The following CHMP2B variants were observed in gnomAD, a reference collection of about 807,000 sequenced individuals.
The protein encoded by CHMP2B is VPS2 homolog B.
Under a neutral mutation model 29.8 loss-of-function variants are expected in CHMP2B, and 22 were observed. That is an observed-to-expected ratio of 0.74 (90% confidence interval 0.53 to 1.05). The LOEUF is 1.05. CHMP2B is among the 50% of genes least tolerant of loss of function. The probability of loss-of-function intolerance (pLI) is 0.00; values close to 1 mark genes in which losing one functional copy is unlikely to be tolerated. For missense variants in CHMP2B, 261 were observed against 252.2 expected (o/e 1.03, Z -0.24); for synonymous variants, 78 against 75.8 (o/e 1.03, Z -0.15).
At chr3:87,252,520 C>T (rs1706332921) in intron 4 of CHMP2B, among the ~76,000 whole-genome samples, 1 of 151,770 alleles carries the variant, frequency 6.6e-6, no homozygotes, top group African/African-American at 2.4e-5. Flanking sequence ...GTGGTTAAAC[C>T]CTACGTATCC....
chr3:87,243,494 G>A (rs1466463924), intron 2 of CHMP2B, among the ~76,000 whole-genome samples: 2 of 151,926 alleles, frequency 1.3e-5, no homozygotes, highest in Non-Finnish European at 2.9e-5. Context: ...AATAATGCTG[G>A]CCTAGTAATG....
rs1284575966 is a variant in CHMP2B, at chr3:87,254,829, A to G, written c.*1007A>G. On this transcript the variant is annotated 3_prime_UTR_variant, in exon 6 of 6. Coordinates refer to ENST00000263780, the MANE Select transcript of CHMP2B (RefSeq NM_014043.4). The stretch of plus-strand genomic sequence containing the variant: ...TTCCAAATTGAAGCCATTATTCTCA[A>G]TTAAGTACTACAACTATGACAATGC... 2 of 152,038 alleles carry G rather than the reference A, an allele frequency of 1.3e-5. No individual in the cohort carries two copies. The highest frequency in any genetic ancestry group is 2.9e-5 in the Non-Finnish European group (2 of 67,916). The allele number at this position is 152,038 out of a possible 1,614,324, so 9.4% of individuals were successfully genotyped here.
intron 1 of CHMP2B, among the ~76,000 whole-genome samples, chr3:87,230,896 A>G (rs777522300): frequency 1.3e-5 from 2 of 152,054 alleles, no homozygotes; most frequent in African/African-American, 2.4e-5. Context: ...CTGATAATTA[A>G]TTTATTCTCT....
rs957743296 is a variant in CHMP2B, at chr3:87,244,365, T to G, written c.127-1349T>G. On this transcript the variant is annotated intron_variant, in intron 2 of 5. Coordinates refer to ENST00000263780, the MANE Select transcript of CHMP2B (RefSeq NM_014043.4). Reference sequence around the variant, plus strand: ...TCTTTCCTAGTTTATATATATATATTTTTTGTTTATCTTATTTCCCTACTT... The same window carrying G: ...TCTTTCCTAGTTTATATATATATATGTTTTGTTTATCTTATTTCCCTACTT... 3.3e-5 allele frequency among the ~76,000 whole-genome samples: 5 copies of G among 151,792 alleles called. No individual in the cohort carries two copies. In the East Asian group the frequency reaches 9.7e-4, roughly 29 times the overall value.
At chr3:87,230,437 T>G (rs919274812) in intron 1 of CHMP2B, among the ~76,000 whole-genome samples, 30 of 152,138 alleles carry the variant, frequency 2.0e-4, no homozygotes, top group African/African-American at 7.2e-4. Context: ...TCCCTTTGAG[T>G]ATTATTATTA....
chr3:87,238,151 A>G (rs765559147), intron 1 of CHMP2B, among the ~76,000 whole-genome samples: 45 of 152,212 alleles, frequency 3.0e-4, no homozygotes, highest in Non-Finnish European at 6.3e-4. Flanking sequence ...AACTGTAACT[A>G]TTATAACTAT....
intron 1 of CHMP2B, among the ~76,000 whole-genome samples, chr3:87,234,683 A>G (rs997279402): frequency 2.0e-5 from 3 of 152,230 alleles, no homozygotes; most frequent in Non-Finnish European, 2.9e-5. Flanking sequence ...TCTTTGAAAC[A>G]AACCACAAGG....
intron 2 of CHMP2B, among the ~76,000 whole-genome samples, chr3:87,241,150 A>G (rs1370175222): frequency 6.6e-5 from 10 of 152,194 alleles, no homozygotes; most frequent in East Asian, 1.9e-4. Context: ...ACATTAACTC[A>G]TAGGAGTCTT....
At position 87,227,442 on chromosome 3, in the gene CHMP2B, G is replaced by T; in HGVS notation, c.-81G>T. Reference sequence around the variant, plus strand: ...GCTCCGCCACCCCGAACCCGCCAAGGTCCTGTCCTTTTCCTCCTGTCCTTT... The same window carrying T: ...GCTCCGCCACCCCGAACCCGCCAAGTTCCTGTCCTTTTCCTCCTGTCCTTT... On this transcript the variant is annotated 5_prime_UTR_variant, in exon 1 of 6. Coordinates refer to ENST00000263780, the MANE Select transcript of CHMP2B (RefSeq NM_014043.4). 2 of 1,564,124 alleles carry T rather than the reference G, an allele frequency of 1.3e-6. No individual in the cohort carries two copies. The highest frequency in any genetic ancestry group is 2.2e-5 in the South Asian group (2 of 90,020).
At chr3:87,231,439 C>T (rs1420957319) in intron 1 of CHMP2B, among the ~76,000 whole-genome samples, 3 of 152,284 alleles carry the variant, frequency 2.0e-5, no homozygotes, top group Non-Finnish European at 1.5e-5. Context: ...TTGCACTTTA[C>T]GATACCACCT....
chr3:87,242,173 T>C (rs1706130241), intron 2 of CHMP2B, among the ~76,000 whole-genome samples: 1 of 152,188 alleles, frequency 6.6e-6, no homozygotes, highest in Non-Finnish European at 1.5e-5. Context: ...TAGATTTTTA[T>C]ATATTGTGGA....
intron 2 of CHMP2B, among the ~76,000 whole-genome samples, chr3:87,245,008 G>A (rs1450456258): frequency 2.0e-5 from 3 of 151,886 alleles, no homozygotes; most frequent in Non-Finnish European, 2.9e-5. Flanking sequence ...CTTTTATTAG[G>A]TACATACACA....
chr3:87,235,709 G>A (rs1705994929), intron 1 of CHMP2B, among the ~76,000 whole-genome samples: 1 of 152,136 alleles, frequency 6.6e-6, no homozygotes, highest in Non-Finnish European at 1.5e-5. Flanking sequence ...CCTTGACTCT[G>A]ATTCTCAGAC....
intron 1 of CHMP2B, 74 bp from the exon 2 acceptor site, chr3:87,240,625 G>C: frequency 9.6e-7 from 1 of 1,038,314 alleles, no homozygotes; most frequent in Non-Finnish European, 1.5e-6. Context: ...ATCATGATCT[G>C]TGAATCCAGT....
At position 87,242,877 on chromosome 3, in the gene CHMP2B, C is replaced by T. The variant is rs536032134; in HGVS notation, c.126+2087C>T. On this transcript the variant is annotated intron_variant, in intron 2 of 5. Transcript: ENST00000263780. ...AAAAGTTAGACAGCATTAATCCTTCCACTTTGTACTTCTTTTTTCATAATT... is the reference window on the plus strand; with the variant it reads ...AAAAGTTAGACAGCATTAATCCTTCTACTTTGTACTTCTTTTTTCATAATT... 2.6e-5 allele frequency among the ~76,000 whole-genome samples: 4 copies of T among 152,162 alleles called. No individual in the cohort carries two copies. In the South Asian group the frequency reaches 8.3e-4, roughly 32 times the overall value.
At position 87,240,679 on chromosome 3, in the gene CHMP2B, T is replaced by G. The variant is rs372134543; in HGVS notation, c.35-20T>G. 4 of 1,534,238 alleles carry G rather than the reference T, an allele frequency of 2.6e-6. No homozygotes were observed. In the African/African-American group the frequency reaches 4.1e-5, roughly 16 times the overall value. Reference sequence around the variant, plus strand: ...AATTTTACAACCCATAAATTTAGGTTTCTTTTGTGATTCTCCTAGATGTAA... The same window carrying G: ...AATTTTACAACCCATAAATTTAGGTGTCTTTTGTGATTCTCCTAGATGTAA... On this transcript the variant is annotated intron_variant, in intron 1 of 5. Coordinates refer to ENST00000263780, the MANE Select transcript of CHMP2B (RefSeq NM_014043.4).
At chr3:87,250,352 C>T (rs554799054) in intron 4 of CHMP2B, among the ~76,000 whole-genome samples, 8 of 151,842 alleles carry the variant, frequency 5.3e-5, no homozygotes, top group Middle Eastern at 3.4e-3. Flanking sequence ...CTTTTTTTCC[C>T]TCTCACAAGA....
Position 87,253,410 on chromosome 3 carries a change from A to T in CHMP2B, c.431A>T (p.Asp144Val). 1.3e-6 allele frequency: 2 copies of T among 1,597,690 alleles called. No homozygotes were observed. Among genetic ancestry groups the T allele is most frequent in the Non-Finnish European group, 1.7e-6 (2 of 1,165,380 alleles). Residue 144 changes from aspartate (D) to valine (V), a missense_variant, in exon 5 of 6, where the codon GAT (aspartate) becomes GTT (valine). Physicochemically the swap from Asp to Val is radical, Grantham distance 152 (BLOSUM62 -3). Coordinates refer to ENST00000263780, the MANE Select transcript of CHMP2B (RefSeq NM_014043.4). Reference sequence around the variant, plus strand: ...CTTCTCCCATATCCCCTAGTCAATGATACACTTGATGACATCTTTGACGGT... The same window carrying T: ...CTTCTCCCATATCCCCTAGTCAATGTTACACTTGATGACATCTTTGACGGT... The part of the protein sequence containing the change: ...KMEMTEEMIN[D>V]TLDDIFDGSD...
chr3:87,246,013 C>A (rs939148779), intron 3 of CHMP2B, 105 bp downstream of exon 3: 5 of 849,816 alleles, frequency 5.9e-6, no homozygotes, highest in African/African-American at 5.2e-5. Flanking sequence ...ATATGTGATA[C>A]AAAATGTGTG....
Sources: allele counts gnomAD v4.1 joint callset (sites outside exome capture counted in the v4.1 genomes callset), GRCh38; gene constraint gnomAD v4.1.1; transcripts MANE v1.5; gene names NCBI Gene and HGNC (gene_info 2026-07-23, HGNC 2026-07-21).